The following RAD51B variants were observed in gnomAD, a reference collection of about 807,000 sequenced individuals.
RAD51B encodes the protein DNA repair protein RAD51 homolog 2.
A neutral mutation model predicts 42.2 loss-of-function variants in RAD51B; 38 were observed. The ratio of observed to expected loss-of-function variants is 0.90; its 90% CI spans 0.70 to 1.18. The LOEUF is 1.18. RAD51B is among the 50% of genes most tolerant of loss of function. RAD51B has a pLI of 0.00. For synonymous variants in RAD51B, 154 were observed against 145.2 expected (o/e 1.06, Z -0.43); for missense variants, 373 against 400.7 (o/e 0.93, Z 0.59).
intron 3 of RAD51B, among the ~76,000 whole-genome samples, chr14:67,829,865 A>G (rs982773426): frequency 2.0e-5 from 3 of 152,202 alleles, no homozygotes; most frequent in African/African-American, 7.2e-5. Flanking sequence ...GCTAAATCCT[A>G]TGAAGGAAAA....
intron 7 of RAD51B, among the ~76,000 whole-genome samples, chr14:68,128,618 G>C (rs1307680826): frequency 6.6e-6 from 1 of 152,114 alleles, no homozygotes; most frequent in East Asian, 1.9e-4. Context: ...CTTGAACCCG[G>C]GAGGCAGAGG....
intron 9 of RAD51B, among the ~76,000 whole-genome samples, chr14:68,443,390 C>T (rs928919728): frequency 1.3e-5 from 2 of 152,110 alleles, no homozygotes; most frequent in South Asian, 2.1e-4. Flanking sequence ...AAGAAATGTG[C>T]GCATGTGCCT....
chr14:68,625,924 T>G (rs1344187497), intron 10 of RAD51B, among the ~76,000 whole-genome samples: 1 of 152,130 alleles, frequency 6.6e-6, no homozygotes, highest in Non-Finnish European at 1.5e-5. Flanking sequence ...GTGGCCACAG[T>G]GTGGGTGAGG....
chr14:68,464,658 C>T (rs1281131532), intron 9 of RAD51B, among the ~76,000 whole-genome samples: 1 of 152,182 alleles, frequency 6.6e-6, no homozygotes, highest in Non-Finnish European at 1.5e-5. Flanking sequence ...GCACCCAGCT[C>T]AACTTATCTT....
chr14:68,482,386 T>A (rs1883266035), downstream of RAD51B, among the ~76,000 whole-genome samples: 1 of 152,176 alleles, frequency 6.6e-6, no homozygotes, highest in African/African-American at 2.4e-5. Context: ...GGTTGTGTGT[T>A]GTGAACAAAG....
intron 7 of RAD51B, among the ~76,000 whole-genome samples, chr14:67,953,052 G>T (rs1001255763): frequency 6.6e-6 from 1 of 152,012 alleles, no homozygotes; most frequent in African/African-American, 2.4e-5. Flanking sequence ...AGAGCAAAAT[G>T]GATATTACTT....
At chr14:67,917,758 A>G (rs1390824331) in intron 7 of RAD51B, among the ~76,000 whole-genome samples, 1 of 152,220 alleles carries the variant, frequency 6.6e-6, no homozygotes, top group Non-Finnish European at 1.5e-5. Flanking sequence ...GCTGTTATCA[A>G]CTGATAAGAG....
intron 10 of RAD51B, among the ~76,000 whole-genome samples, chr14:68,525,848 G>T (rs1335568951): frequency 1.3e-5 from 2 of 152,162 alleles, no homozygotes; most frequent in Admixed American, 1.3e-4. Flanking sequence ...GACATGCCAA[G>T]TGCCGGGAGC....
chr14:68,153,798 C>G (rs992134126), intron 7 of RAD51B, among the ~76,000 whole-genome samples: 2 of 152,062 alleles, frequency 1.3e-5, no homozygotes, highest in South Asian at 2.1e-4. Context: ...CTACTTCCAC[C>G]CTAATTGGGC....
In RAD51B at chr14:68,272,635, TTATATATATA is replaced by T. The variant is rs1196934518; in HGVS notation, c.757-19227_757-19218del. Among the ~76,000 whole-genome samples the T allele has an allele frequency of 6.2e-3, 124 of 19,850 alleles. 3 individuals are homozygous for T. The highest frequency in any genetic ancestry group is 0.036 in the Middle Eastern group (1 of 28). 13.0% of individuals were successfully genotyped at this position (19,850 alleles called of 152,430 possible). A position where few individuals can be genotyped will look rare whatever the true frequency, so the allele number is the denominator to read the frequency against. On this transcript the variant is annotated intron_variant, in intron 7 of 10. Coordinates refer to ENST00000471583, the MANE Select transcript of RAD51B (RefSeq NM_133510.4). ...CCATGGTATTTTGTTTATAAACACT[TTATATATATA>T]TATATATATATATATATATATTTTT...
At chr14:68,302,115 C>T (rs2081753511) in intron 8 of RAD51B, among the ~76,000 whole-genome samples, 1 of 152,202 alleles carries the variant, frequency 6.6e-6, no homozygotes, top group Admixed American at 6.5e-5. Flanking sequence ...CACCTTCACA[C>T]AAGGGTGGTG....
chr14:68,573,252 G>T (rs568936437), intron 10 of RAD51B, among the ~76,000 whole-genome samples: 11 of 152,078 alleles, frequency 7.2e-5, no homozygotes, highest in African/African-American at 2.7e-4. Flanking sequence ...ACAGGCCCAC[G>T]TGGTCGAGCC....
intron 11 of RAD51B, among the ~76,000 whole-genome samples, chr14:68,655,642 A>C (rs112431366): frequency 0.023 from 3,537 of 152,248 alleles, 123 homozygotes; most frequent in African/African-American, 0.068. Context: ...CAGCCTCTGC[A>C]CAGCCAGGGC....
chr14:68,101,829 G>C (rs1188053447), intron 7 of RAD51B, among the ~76,000 whole-genome samples: 1 of 152,232 alleles, frequency 6.6e-6, no homozygotes, highest in Non-Finnish European at 1.5e-5. Context: ...GACTCTCTGA[G>C]GGGGCTCCAA....
chr14:68,506,678 C>T (rs1027030931), intron 10 of RAD51B, among the ~76,000 whole-genome samples: 2 of 152,152 alleles, frequency 1.3e-5, no homozygotes, highest in South Asian at 4.1e-4. Context: ...CACCTAGGCG[C>T]TCTCATTTAT....
intron 7 of RAD51B, among the ~76,000 whole-genome samples, chr14:68,122,962 CACACACACACACACACACAG>C (rs2077679067): frequency 6.8e-6 from 1 of 147,898 alleles, no homozygotes; most frequent in Non-Finnish European, 1.5e-5. Context: ...ATAAAACAAA[CACACACACACACACACACAG>C]ACACACACAC....
At chr14:68,293,565 C>T (rs1197147484) in intron 8 of RAD51B, among the ~76,000 whole-genome samples, 1 of 152,132 alleles carries the variant, frequency 6.6e-6, no homozygotes, top group Non-Finnish European at 1.5e-5. Context: ...TCTTGGCCTG[C>T]CCCTCCCCAC....
At chr14:67,979,706 TTTA>T (rs745554453) in intron 7 of RAD51B, among the ~76,000 whole-genome samples, 3 of 152,226 alleles carry the variant, frequency 2.0e-5, no homozygotes, top group Non-Finnish European at 2.9e-5. Flanking sequence ...TTCATGTTGA[TTTA>T]TTAAAGTTTT....
At chr14:67,879,045 C>A (rs2042821181) in intron 5 of RAD51B, among the ~76,000 whole-genome samples, 1 of 152,140 alleles carries the variant, frequency 6.6e-6, no homozygotes, top group Non-Finnish European at 1.5e-5. Flanking sequence ...CCAAACAGGG[C>A]TCCATTAGGA....
Sources: allele counts gnomAD v4.1 joint callset (sites outside exome capture counted in the v4.1 genomes callset), GRCh38; gene constraint gnomAD v4.1.1; transcripts MANE v1.5; gene names NCBI Gene and HGNC (gene_info 2026-07-23, HGNC 2026-07-21).